The following SND1 variants were observed in gnomAD, a reference collection of about 807,000 sequenced individuals.
The protein encoded by SND1 is staphylococcal nuclease and tudor domain containing 1.
In SND1, 38 loss-of-function variants were observed where a neutral mutation model predicts 121.7. That is an observed-to-expected ratio of 0.31 (90% CI 0.24 to 0.41). The LOEUF is 0.41. Among genes scored for constraint, SND1 ranks in the 10% least tolerant of loss-of-function variants. The pLI is 1.00. For missense variants in SND1, 868 were observed against 1,184.6 expected, an observed-to-expected ratio of 0.73 and a Z score of 3.92; for synonymous variants, 401 against 447.4, an observed-to-expected ratio of 0.90 and a Z score of 1.31.
intron 12 of SND1, among the ~76,000 whole-genome samples, chr7:127,851,636 A>C (rs1052690353): frequency 6.6e-6 from 1 of 152,182 alleles, no homozygotes. Context: ...TGTACTAAGG[A>C]CTGTGTTAGG....
At chr7:127,835,900 A>C (rs1798858467) in intron 11 of SND1, among the ~76,000 whole-genome samples, 1 of 152,210 alleles carries the variant, frequency 6.6e-6, no homozygotes, top group Non-Finnish European at 1.5e-5. Context: ...GTATATTTTC[A>C]GATCATTTTA....
chr7:127,722,374 A>G (rs1796511765), intron 10 of SND1, among the ~76,000 whole-genome samples: 1 of 149,692 alleles, frequency 6.7e-6, no homozygotes, highest in South Asian at 2.1e-4. Context: ...GTGGCTATTC[A>G]CAGGTGTGAT....
At chr7:128,035,059 A>G (rs1015038288) in intron 16 of SND1, among the ~76,000 whole-genome samples, 1 of 152,220 alleles carries the variant, frequency 6.6e-6, no homozygotes, top group African/African-American at 2.4e-5. Flanking sequence ...TGATAACGCC[A>G]GAGAGAGCTA....
chr7:127,985,235 C>A (rs1294232616), intron 15 of SND1, among the ~76,000 whole-genome samples: 1 of 152,152 alleles, frequency 6.6e-6, no homozygotes, highest in Non-Finnish European at 1.5e-5. Flanking sequence ...TCCTGTTAAG[C>A]CCCGTGATTG....
chr7:127,947,345 C>G (rs928471997), intron 15 of SND1, among the ~76,000 whole-genome samples: 2 of 152,094 alleles, frequency 1.3e-5, no homozygotes, highest in African/African-American at 4.8e-5. Flanking sequence ...TCATGCTGCC[C>G]CTAGATATGC....
At chr7:127,743,187 G>T (rs957626144) in intron 10 of SND1, among the ~76,000 whole-genome samples, 1 of 152,172 alleles carries the variant, frequency 6.6e-6, no homozygotes, top group African/African-American at 2.4e-5. Flanking sequence ...CTGTTACAAG[G>T]GATGGAACTA....
chr7:128,005,940 T>C (rs1584732734), intron 16 of SND1, among the ~76,000 whole-genome samples: 2 of 152,314 alleles, frequency 1.3e-5, no homozygotes, highest in East Asian at 1.9e-4. Context: ...TTGTTATCTT[T>C]TTCCACAGAA....
chr7:127,750,603 T>C lies in SND1; in HGVS notation c.1152+29203T>C, dbSNP rs372013757. Among the ~76,000 whole-genome samples the C allele has an allele frequency of 1.3e-4, 20 of 152,308 alleles. No homozygotes were observed. The East Asian group carries it at 1.5e-3, about 12-fold the overall frequency. On this transcript the variant is annotated intron_variant, in intron 10 of 23. Transcript: ENST00000354725. ...TGGGACCAGAAGTGTTTTGGATTTT[T>C]TTGGATTTTTGAATATTTGCATTAT...
intron 10 of SND1, among the ~76,000 whole-genome samples, chr7:127,754,818 C>G (rs948091685): frequency 6.6e-6 from 1 of 152,240 alleles, no homozygotes; most frequent in African/African-American, 2.4e-5. Flanking sequence ...TTTTGGAGCA[C>G]CAGTTGTTTA....
At chr7:127,694,645 T>A (rs1795976617) in intron 2 of SND1, 183 bp from the exon 3 acceptor site, 2 of 614,306 alleles carry the variant, frequency 3.3e-6, no homozygotes, top group Non-Finnish European at 5.3e-6. Flanking sequence ...CTCCTTTTTT[T>A]ATGAGCCCCC....
chr7:127,835,239 T>C (rs1490224609), intron 11 of SND1, among the ~76,000 whole-genome samples: 1 of 152,198 alleles, frequency 6.6e-6, no homozygotes, highest in Non-Finnish European at 1.5e-5. Context: ...ATAGTTTCAT[T>C]ACTGCTGTTG....
intron 11 of SND1, among the ~76,000 whole-genome samples, chr7:127,840,118 C>T (rs1357672904): frequency 6.6e-6 from 1 of 152,220 alleles, no homozygotes; most frequent in African/African-American, 2.4e-5. Context: ...GTGAATAAGA[C>T]ATGGTCTCCC....
intron 10 of SND1, among the ~76,000 whole-genome samples, chr7:127,777,947 TTG>T (rs1241567523): frequency 2.6e-5 from 4 of 152,188 alleles, no homozygotes; most frequent in Non-Finnish European, 5.9e-5. Context: ...TGTGTTTTTG[TTG>T]TGTGTTATCT....
chr7:128,079,162 G>A (rs1468439384), intron 17 of SND1, among the ~76,000 whole-genome samples: 1 of 152,268 alleles, frequency 6.6e-6, no homozygotes, highest in East Asian at 1.9e-4. Flanking sequence ...GTAGATACCA[G>A]GGAACTTCCA....
At chr7:128,047,558 A>G (rs1792970741) in intron 16 of SND1, among the ~76,000 whole-genome samples, 2 of 152,398 alleles carry the variant, frequency 1.3e-5, no homozygotes, top group East Asian at 3.9e-4. Context: ...CATAGAATAC[A>G]GAACAGTGTT....
chr7:128,089,731 C>T, intron 22 of SND1, 39 bp downstream of exon 22: 1 of 1,571,424 alleles, frequency 6.4e-7, no homozygotes, highest in Non-Finnish European at 8.7e-7. Flanking sequence ...ATTGCGCCAC[C>T]ACCCTCACAG....
At chr7:127,665,068 G>A (rs771505970) in intron 1 of SND1, among the ~76,000 whole-genome samples, 2 of 152,126 alleles carry the variant, frequency 1.3e-5, no homozygotes, top group Non-Finnish European at 1.5e-5. Flanking sequence ...ACTGGGAAGT[G>A]CTCATCCTAA....
chr7:127,977,021 A>G (rs182172062), intron 15 of SND1, among the ~76,000 whole-genome samples: 1 of 152,016 alleles, frequency 6.6e-6, no homozygotes, highest in East Asian at 1.9e-4. Context: ...GAAAAGTCCA[A>G]CTCTGCCTGG....
chr7:128,074,854 G>C (rs571358164), intron 17 of SND1, among the ~76,000 whole-genome samples, 164 bp downstream of exon 17: 2 of 152,348 alleles, frequency 1.3e-5, no homozygotes, highest in East Asian at 3.9e-4. Context: ...GGCGAGGAGA[G>C]GCTGCCAGCT....
Sources: gnomAD v4.1 joint callset for allele counts (sites outside exome capture counted in the v4.1 genomes callset) on GRCh38, gnomAD v4.1.1 for gene constraint, MANE v1.5 for transcripts, NCBI Gene and HGNC (gene_info 2026-07-23, HGNC 2026-07-21) for gene names.